Variants in ATG10 observed in about 807,000 individuals in gnomAD.
ATG10 encodes autophagy related 10.
Under a neutral mutation model 32.1 loss-of-function variants are expected in ATG10, and 30 were observed. That is an observed-to-expected ratio of 0.94 (90% CI 0.70 to 1.27). ATG10 has a LOEUF of 1.27. Ranked by LOEUF, ATG10 falls within the 50% of genes most tolerant of loss-of-function variation. The probability of loss-of-function intolerance (pLI) is 0.00; values close to 1 mark genes in which losing one functional copy is unlikely to be tolerated. For synonymous variants in ATG10, 87 were observed against 91.5 expected, an observed-to-expected ratio of 0.95 and a Z score of 0.28; for missense variants, 233 against 262.3, an observed-to-expected ratio of 0.89 and a Z score of 0.77.
chr5:82,244,620 A>G (rs1489410699), intron 5 of ATG10, among the ~76,000 whole-genome samples: 2 of 152,174 alleles, frequency 1.3e-5, no homozygotes, highest in Non-Finnish European at 2.9e-5. Flanking sequence ...TGGAATATGA[A>G]ACTGGATGAA....
At chr5:82,178,465 C>G in intron 4 of ATG10, 25 bp from the exon 5 acceptor site, 1 of 1,391,046 alleles carries the variant, frequency 7.2e-7, no homozygotes, top group East Asian at 2.3e-5. Flanking sequence ...ATTACTAACT[C>G]AGTCTTTACC....
chr5:82,072,350 C>G (rs937604595), intron 3 of ATG10, among the ~76,000 whole-genome samples: 6 of 152,068 alleles, frequency 3.9e-5, no homozygotes, highest in African/African-American at 1.4e-4. Context: ...ACAGCTCTGC[C>G]CAGAGGTTCT....
intron 2 of ATG10, among the ~76,000 whole-genome samples, chr5:82,006,401 A>T (rs1247937593): frequency 1.3e-5 from 2 of 152,208 alleles, no homozygotes; most frequent in Non-Finnish European, 2.9e-5. Flanking sequence ...CCCATCACCT[A>T]GCTTCCACAA....
chr5:82,215,990 A>C (rs1244208638), intron 5 of ATG10, among the ~76,000 whole-genome samples: 1 of 152,212 alleles, frequency 6.6e-6, no homozygotes, highest in African/African-American at 2.4e-5. Context: ...ACCTTCTGAG[A>C]ATTCAAAGAC....
At chr5:81,995,049 A>G (rs909246043) in intron 2 of ATG10, among the ~76,000 whole-genome samples, 4 of 152,192 alleles carry the variant, frequency 2.6e-5, no homozygotes, top group African/African-American at 9.6e-5. Context: ...GCTGAAAAAC[A>G]TTGTATAATC....
At chr5:82,098,435 C>T (rs898224654) in intron 3 of ATG10, among the ~76,000 whole-genome samples, 3 of 151,558 alleles carry the variant, frequency 2.0e-5, no homozygotes, top group Non-Finnish European at 4.4e-5. Context: ...CTCAGCCTCC[C>T]GAGTAGCTGG....
chr5:81,995,054 A>C lies in ATG10; in HGVS notation c.108+7376A>C, dbSNP rs192213561. ...GTTCTAGAGAGCTGAAAAACATTGT[A>C]TAATCTCGAATTTCACCTTGTTTTT... On this transcript the variant is annotated intron_variant, in intron 2 of 7. Coordinates refer to ENST00000282185, the MANE Select transcript of ATG10 (RefSeq NM_031482.5). Among the ~76,000 whole-genome samples the C allele has an allele frequency of 3.9e-5, 6 of 152,300 alleles. No individual in the cohort carries two copies. The East Asian group carries it at 1.2e-3, about 29-fold the overall frequency.
chr5:82,019,654 C>T (rs895597532), intron 2 of ATG10, among the ~76,000 whole-genome samples: 1 of 152,168 alleles, frequency 6.6e-6, no homozygotes, highest in African/African-American at 2.4e-5. Context: ...CTCCCAGTGC[C>T]TCTCTTCCCT....
chr5:82,210,805 A>C (rs1350456310), intron 5 of ATG10, among the ~76,000 whole-genome samples: 1 of 152,194 alleles, frequency 6.6e-6, no homozygotes. Flanking sequence ...TGCAAGGAAA[A>C]TAGAGTCCTT....
At chr5:82,195,935 A>T (rs1338610558) in intron 5 of ATG10, among the ~76,000 whole-genome samples, 1 of 152,184 alleles carries the variant, frequency 6.6e-6, no homozygotes, top group African/African-American at 2.4e-5. Context: ...TAACACTATG[A>T]TTTAATTTCA....
chr5:82,244,887 T>G lies in ATG10; in HGVS notation c.454-7675T>G, dbSNP rs114716959. 4.9e-3 allele frequency among the ~76,000 whole-genome samples: 747 copies of G among 152,326 alleles called. 6 individuals are homozygous for G. The highest frequency in any genetic ancestry group is 0.014 in the African/African-American group (592 of 41,586). ...TATAACTTCTCTGGAGTTACAGAGA[T>G]AGAAATCTGACCCATCATTTCTATT... On this transcript the variant is annotated intron_variant, in intron 5 of 7. Transcript: ENST00000282185.
intron 5 of ATG10, among the ~76,000 whole-genome samples, chr5:82,192,575 CA>C (rs1296629688): frequency 6.6e-6 from 1 of 152,070 alleles, no homozygotes; most frequent in Non-Finnish European, 1.5e-5. Flanking sequence ...TCCTCATCTG[CA>C]AAATAGGAAA....
chr5:82,048,864 G>A (rs910735638), intron 2 of ATG10, among the ~76,000 whole-genome samples: 3 of 152,188 alleles, frequency 2.0e-5, no homozygotes, highest in Non-Finnish European at 4.4e-5. Flanking sequence ...TCTCACACCA[G>A]TTAGAATGGC....
chr5:82,218,083 A>AT (rs1745765124), intron 5 of ATG10, among the ~76,000 whole-genome samples: 1 of 151,484 alleles, frequency 6.6e-6, no homozygotes, highest in Non-Finnish European at 1.5e-5. Flanking sequence ...ACACACACAC[A>AT]CACATCACAC....
chr5:82,056,522 A>T (rs1003730247), intron 2 of ATG10, among the ~76,000 whole-genome samples: 8 of 150,748 alleles, frequency 5.3e-5, no homozygotes, highest in African/African-American at 2.0e-4. Flanking sequence ...CCAAATCCTG[A>T]ATTTCATCCC....
chr5:82,066,658 C>T (rs910848592), intron 3 of ATG10, among the ~76,000 whole-genome samples: 8 of 152,080 alleles, frequency 5.3e-5, no homozygotes, highest in African/African-American at 1.9e-4. Context: ...AGGAGATGAT[C>T]TCAATTGCCA....
At chr5:82,024,865 G>A (rs908946024) in intron 2 of ATG10, among the ~76,000 whole-genome samples, 5 of 152,320 alleles carry the variant, frequency 3.3e-5, no homozygotes, top group African/African-American at 1.2e-4. Flanking sequence ...TGACATTCTC[G>A]TATGAAAATT....
intron 5 of ATG10, among the ~76,000 whole-genome samples, chr5:82,229,339 T>G (rs943218396): frequency 2.0e-5 from 3 of 152,238 alleles, no homozygotes; most frequent in African/African-American, 7.2e-5. Context: ...TATTTTCTAC[T>G]TTAAAAAATA....
intron 1 of ATG10, among the ~76,000 whole-genome samples, chr5:81,977,649 A>T (rs1760907270): frequency 6.6e-6 from 1 of 152,164 alleles, no homozygotes; most frequent in African/African-American, 2.4e-5. Flanking sequence ...GGAGCTCCTC[A>T]ATCTTTTTGG....
Sources: gnomAD v4.1 joint callset for allele counts (sites outside exome capture counted in the v4.1 genomes callset) on GRCh38, gnomAD v4.1.1 for gene constraint, MANE v1.5 for transcripts, NCBI Gene and HGNC (gene_info 2026-07-23, HGNC 2026-07-21) for gene names.